SLC25A48: variants seen among roughly 807,000 people sequenced by gnomAD.
SLC25A48 encodes CTC-321K16.1.
A neutral mutation model predicts 32.2 loss-of-function variants in SLC25A48; 29 were observed. That is an observed-to-expected ratio of 0.90 (90% confidence interval 0.67 to 1.23). The LOEUF (loss-of-function observed/expected upper bound fraction) is 1.23, where lower values mean the gene tolerates loss of function less well. Among genes scored for constraint, SLC25A48 ranks in the 50% most tolerant of loss-of-function variants. The pLI is 0.00. For missense variants in SLC25A48, 399 were observed against 422.7 expected (o/e 0.94, Z 0.49); for synonymous variants, 164 against 172.3 (o/e 0.95, Z 0.38).
At chr5:135,636,863 G>A (rs551117656) in intron 3 of SLC25A48, among the ~76,000 whole-genome samples, 52 of 152,316 alleles carry the variant, frequency 3.4e-4, no homozygotes, top group African/African-American at 1.2e-3. Flanking sequence ...ACCAAGCCAC[G>A]TTCTGCATCT....
chr5:135,713,284 G>A (rs1754714170), intron 3 of SLC25A48, among the ~76,000 whole-genome samples: 1 of 152,170 alleles, frequency 6.6e-6, no homozygotes, highest in Non-Finnish European at 1.5e-5. Flanking sequence ...GCAGTATAAT[G>A]GCTTTCAACG....
At chr5:135,788,653 G>T (rs916484423) in intron 3 of SLC25A48, among the ~76,000 whole-genome samples, 4 of 151,126 alleles carry the variant, frequency 2.6e-5, no homozygotes, top group African/African-American at 9.7e-5. Context: ...ATGTGGCAGG[G>T]AGTGTACACC....
At chr5:135,835,134 C>G (rs764365671) in intron 1 of SLC25A48, 1 of 697,762 alleles carries the variant, frequency 1.4e-6, no homozygotes, top group Non-Finnish European at 2.6e-6. Context: ...AAGTTAGGAT[C>G]CGTGGGACTT....
intron 3 of SLC25A48, among the ~76,000 whole-genome samples, chr5:135,808,523 A>T (rs1017956766): frequency 2.0e-5 from 3 of 152,030 alleles, no homozygotes; most frequent in Non-Finnish European, 4.4e-5. Flanking sequence ...AAAAATACCC[A>T]AATCTTTTTC....
At chr5:135,728,100 A>G (rs1755131730) in intron 3 of SLC25A48, among the ~76,000 whole-genome samples, 1 of 152,044 alleles carries the variant, frequency 6.6e-6, no homozygotes, top group South Asian at 2.1e-4. Context: ...CTACTAAAAT[A>G]CAACAATTAG....
intron 2 of SLC25A48, among the ~76,000 whole-genome samples, chr5:135,633,809 C>G (rs758237721): frequency 6.6e-6 from 1 of 152,152 alleles, no homozygotes; most frequent in South Asian, 2.1e-4. Context: ...CTTTCCTCTT[C>G]TTGCATCAGT....
Position 135,698,431 on chromosome 5 carries a change from T to C in SLC25A48, c.-521+63475T>C, listed in dbSNP as rs550950679. ...CATGACTCTAACAAAAGTCTTTTCTTAGAACTGATACTATCTTCAGCCTGA... is the reference window on the plus strand; with the variant it reads ...CATGACTCTAACAAAAGTCTTTTCTCAGAACTGATACTATCTTCAGCCTGA... On this transcript the variant is annotated intron_variant, in intron 3 of 10. Transcript: ENST00000646290. Among the ~76,000 whole-genome samples, 22 of 152,346 alleles carry C rather than the reference T, an allele frequency of 1.4e-4. No individual in the cohort carries two copies. The South Asian group carries it at 3.9e-3, about 27-fold the overall frequency.
intron 7 of SLC25A48, chr5:135,883,567 C>T: frequency 1.3e-6 from 1 of 772,444 alleles, no homozygotes; most frequent in East Asian, 1.3e-4. Flanking sequence ...AGGGAAAACC[C>T]CTCCACACAG....
chr5:135,627,446 TG>T (rs1008537273), intron 1 of SLC25A48, among the ~76,000 whole-genome samples: 11 of 152,336 alleles, frequency 7.2e-5, no homozygotes, highest in Non-Finnish European at 1.6e-4. Context: ...CTCTTTCCTT[TG>T]ACCTTCGATC....
intron 2 of SLC25A48, among the ~76,000 whole-genome samples, chr5:135,843,455 G>T (rs761190435): frequency 6.6e-6 from 1 of 152,204 alleles, no homozygotes; most frequent in Non-Finnish European, 1.5e-5. Context: ...AGGGAGGCAG[G>T]CAAGGAGACA....
At chr5:135,722,080 G>A (rs1229290656) in intron 3 of SLC25A48, among the ~76,000 whole-genome samples, 1 of 152,228 alleles carries the variant, frequency 6.6e-6, no homozygotes, top group African/African-American at 2.4e-5. Flanking sequence ...ATTGTATACT[G>A]TGGTTTTGCC....
At chr5:135,869,142 CT>C (rs1324682050) in intron 4 of SLC25A48, among the ~76,000 whole-genome samples, 2 of 152,046 alleles carry the variant, frequency 1.3e-5, no homozygotes, top group Admixed American at 1.3e-4. Flanking sequence ...GCTTTTTATA[CT>C]TCTTTTGCAA....
chr5:135,771,728 A>G (rs571353746), intron 3 of SLC25A48, among the ~76,000 whole-genome samples: 21 of 151,690 alleles, frequency 1.4e-4, no homozygotes, highest in South Asian at 6.2e-4. Context: ...TATTGTTTGT[A>G]ATATCCAAGG....
At chr5:135,759,563 C>T (rs1756010895) in intron 3 of SLC25A48, among the ~76,000 whole-genome samples, 1 of 152,152 alleles carries the variant, frequency 6.6e-6, no homozygotes, top group African/African-American at 2.4e-5. Flanking sequence ...TACAGGGATG[C>T]CCCTACTCAC....
intron 4 of SLC25A48, among the ~76,000 whole-genome samples, chr5:135,858,559 G>T (rs191819750): frequency 6.6e-6 from 1 of 152,176 alleles, no homozygotes; most frequent in Admixed American, 6.5e-5. Flanking sequence ...CAATTCCTGG[G>T]GATTTACTAT....
chr5:135,771,251 T>C (rs1756402306), intron 3 of SLC25A48, among the ~76,000 whole-genome samples: 1 of 151,598 alleles, frequency 6.6e-6, no homozygotes, highest in African/African-American at 2.4e-5. Flanking sequence ...TCACGGGAAT[T>C]GTACACCCCT....
intron 4 of SLC25A48, among the ~76,000 whole-genome samples, chr5:135,854,147 G>T (rs1297681417): frequency 6.6e-6 from 1 of 152,210 alleles, no homozygotes; most frequent in Non-Finnish European, 1.5e-5. Context: ...AGGCCTTGTT[G>T]TTCCTTTTCT....
rs1183915778 is a variant in SLC25A48 at position 135,807,929 on chromosome 5, A to G, written c.-520-4594A>G. Among the ~76,000 whole-genome samples the G allele has an allele frequency of 1.6e-4, 24 of 150,390 alleles. 1 individual carries two copies. Among genetic ancestry groups the G allele is most frequent in the African/African-American group, 5.3e-4 (22 of 41,286 alleles). ...TAACACTGTATATTATAAATATCTTAGTTTTTTTTTAATATCATAGTGTGT... is the reference window on the plus strand; with the variant it reads ...TAACACTGTATATTATAAATATCTTGGTTTTTTTTTAATATCATAGTGTGT... On this transcript the variant is annotated intron_variant, in intron 3 of 10. Transcript: ENST00000646290.
At chr5:135,615,996 CCTTGGAGGCTTCAT>C (rs1752177023) in intron 1 of SLC25A48, among the ~76,000 whole-genome samples, 1 of 152,218 alleles carries the variant, frequency 6.6e-6, no homozygotes, top group African/African-American at 2.4e-5. Flanking sequence ...AAACCATAAG[CCTTGGAGGCTTCAT>C]CTTGGTGTTA....
Sources: gnomAD v4.1 joint callset for allele counts (sites outside exome capture counted in the v4.1 genomes callset) on GRCh38, gnomAD v4.1.1 for gene constraint, MANE v1.5 for transcripts, NCBI Gene and HGNC (gene_info 2026-07-23, HGNC 2026-07-21) for gene names.